The following ARSG variants were observed in gnomAD, a reference collection of about 807,000 sequenced individuals.
The protein encoded by ARSG is ASG.
In ARSG, 37 loss-of-function variants were observed where a neutral mutation model predicts 50.5. The observed-to-expected ratio is 0.73, with a 90% CI of 0.56 to 0.96. The LOEUF (loss-of-function observed/expected upper bound fraction) is 0.96. Among genes scored for constraint, ARSG ranks in the 50% least tolerant of loss-of-function variants. The probability of loss-of-function intolerance (pLI) is 0.00; values close to 1 mark genes in which losing one functional copy is unlikely to be tolerated. For missense variants in ARSG, 629 were observed against 675.3 expected (o/e 0.93, Z 0.76); for synonymous variants, 225 against 254.6 (o/e 0.88, Z 1.11).
At chr17:68,289,244 G>A (rs2075911208), upstream of ARSG, among the ~76,000 whole-genome samples, 1 of 152,134 alleles carries the variant, frequency 6.6e-6, no homozygotes, top group African/African-American at 2.4e-5. Flanking sequence ...GCTGCAATGA[G>A]CAGAGATGAC....
At chr17:68,273,153 CTGTG>C (rs1406066145) in intron 1 of ARSG, among the ~76,000 whole-genome samples, 1 of 151,816 alleles carries the variant, frequency 6.6e-6, no homozygotes, top group Non-Finnish European at 1.5e-5. Flanking sequence ...ATCTTAACAA[CTGTG>C]TGTGTATCTA....
At chr17:68,386,590 G>A (rs745811537) in intron 9 of ARSG, among the ~76,000 whole-genome samples, 13 of 152,156 alleles carry the variant, frequency 8.5e-5, no homozygotes, top group Non-Finnish European at 1.6e-4. Flanking sequence ...GCGGGTACCA[G>A]CAGGTGTGAC....
chr17:68,434,973 G>A, the ARSG span, among the ~76,000 whole-genome samples: 2 of 152,078 alleles, frequency 1.3e-5, no homozygotes, highest in Non-Finnish European at 2.9e-5. Flanking sequence ...AGGCCAAGGC[G>A]GGTGGATTGC....
intron 2 of ARSG, among the ~76,000 whole-genome samples, chr17:68,320,745 C>G (rs1054513086): frequency 1.3e-5 from 2 of 152,210 alleles, no homozygotes; most frequent in South Asian, 4.1e-4. Flanking sequence ...TTCCAGCTTA[C>G]CAGGATGGCC....
chr17:68,351,046 CG>C (rs1266569356), intron 4 of ARSG, among the ~76,000 whole-genome samples: 1 of 152,098 alleles, frequency 6.6e-6, no homozygotes, highest in African/African-American at 2.4e-5. Context: ...CCATCTCTAT[CG>C]GGGGTAACTT....
chr17:68,304,775 C>G (rs576623586), intron 1 of ARSG, among the ~76,000 whole-genome samples: 1 of 152,336 alleles, frequency 6.6e-6, no homozygotes, highest in Non-Finnish European at 1.5e-5. Flanking sequence ...AGTAATCCTT[C>G]CGCCTCGGCC....
At position 68,271,239 on chromosome 17, in the gene ARSG, T is replaced by A. The variant is rs1290905392; in HGVS notation, c.-552+11813T>A. 2 of 1,614,018 alleles carry A rather than the reference T, an allele frequency of 1.2e-6. No homozygotes were observed. Among genetic ancestry groups the A allele is most frequent in the African/African-American group, 2.7e-5 (2 of 74,928 alleles). The stretch of plus-strand genomic sequence containing the variant: ...TGATGTACAAGGAAGGTGCAAAGAA[T>A]CCCAGTGTTGCAAAGAGACCAAATA... On this transcript the variant is annotated intron_variant, in intron 1 of 11. Coordinates refer to the ARSG transcript ENST00000448504. This position sits in a 1 kb window ranked among gnomAD's most constrained non-coding sequence, Gnocchi z 5.3.
downstream of ARSG, chr17:68,426,254 G>GGGGGGGGGGGGGGC: frequency 2.4e-6 from 2 of 816,922 alleles, 1 homozygote; most frequent in Admixed American, 4.6e-5. Flanking sequence ...GGGAGCGGGG[G>GGGGGGGGGGGGGGC]CTCAAATAAA....
At chr17:68,387,255 A>G (rs145339045) in intron 9 of ARSG, among the ~76,000 whole-genome samples, 126 of 152,172 alleles carry the variant, frequency 8.3e-4, no homozygotes, top group African/African-American at 2.9e-3. Flanking sequence ...CAGCCTCCCA[A>G]GTAGCTGGGA....
chr17:68,367,969 C>T lies in ARSG; in HGVS notation c.705-579C>T, dbSNP rs556813709. Among the ~76,000 whole-genome samples, 22 of 152,086 alleles carry T rather than the reference C, an allele frequency of 1.4e-4. No individual in the cohort carries two copies. Among genetic ancestry groups the T allele is most frequent in the Non-Finnish European group, 2.8e-4 (19 of 68,012 alleles). On this transcript the variant is annotated intron_variant, in intron 6 of 11. Coordinates refer to ENST00000621439, the MANE Select transcript of ARSG (RefSeq NM_001267727.2). This position sits in a 1 kb window ranked among gnomAD's most constrained non-coding sequence, Gnocchi z 4.5. ...CCTGTAATTCCAGCTACTCAGGAGG[C>T]TGAGGCGGGAGTATCGCTTGAACCC...
chr17:68,369,040 T>C (rs1000933815), intron 7 of ARSG, among the ~76,000 whole-genome samples: 3 of 152,240 alleles, frequency 2.0e-5, no homozygotes, highest in African/African-American at 7.2e-5. Context: ...GACATTGACA[T>C]TGTGAGCCTG....
chr17:68,355,789 CTT>C (rs2079008476), intron 5 of ARSG, among the ~76,000 whole-genome samples: 1 of 150,832 alleles, frequency 6.6e-6, no homozygotes, highest in African/African-American at 2.4e-5. Context: ...TAGTTTGACT[CTT>C]ATTTTTTTTC....
intron 2 of ARSG, among the ~76,000 whole-genome samples, chr17:68,323,843 C>T (rs182230643): frequency 1.1e-4 from 16 of 152,168 alleles, no homozygotes; most frequent in African/African-American, 2.9e-4. Flanking sequence ...GAGGCCGAAG[C>T]GGGTGGATCA....
intron 2 of ARSG, among the ~76,000 whole-genome samples, chr17:68,336,997 G>A (rs113188663): frequency 3.3e-5 from 5 of 152,206 alleles, no homozygotes; most frequent in African/African-American, 9.7e-5. Context: ...TATGGAGGCC[G>A]TGATAGTGGG....
In ARSG at chr17:68,385,045, G is replaced by T. The variant is rs763997875; in HGVS notation, c.983-19G>T. 1 of 1,602,648 alleles carries T rather than the reference G, an allele frequency of 6.2e-7. No homozygotes were observed. Among genetic ancestry groups the T allele is most frequent in the Non-Finnish European group, 8.5e-7 (1 of 1,169,736 alleles). On this transcript the variant is annotated intron_variant, in intron 8 of 11. Coordinates refer to ENST00000621439, the MANE Select transcript of ARSG (RefSeq NM_001267727.2). ...AGTTATCACCATGGATGAACCAGCT[G>T]CCTCCCCTCCTCTCACAGGGGGAAG... is the stretch of plus-strand genomic sequence containing the variant.
chr17:68,445,101 G>A, the ARSG span, among the ~76,000 whole-genome samples: 7 of 151,930 alleles, frequency 4.6e-5, no homozygotes, highest in Non-Finnish European at 7.4e-5. Flanking sequence ...TGTATTTTTA[G>A]TAGAGACGGG....
intron 1 of ARSG, among the ~76,000 whole-genome samples, chr17:68,294,831 G>A (rs1356536575): frequency 6.6e-6 from 1 of 152,084 alleles, no homozygotes; most frequent in East Asian, 1.9e-4. Flanking sequence ...TTGTGATTTG[G>A]GTTCCTCCCC....
rs10642908 is a variant in ARSG, at chr17:68,376,862, C to CTTT, written c.982+6351_982+6353dup. Among the ~76,000 whole-genome samples the CTTT allele has an allele frequency of 1.3e-4, 19 of 142,202 alleles. 1 individual carries two copies. Among genetic ancestry groups the CTTT allele is most frequent in the African/African-American group, 4.1e-4 (16 of 39,106 alleles). 93.3% of individuals were successfully genotyped at this position (142,202 alleles called of 152,430 possible). On this transcript the variant is annotated intron_variant, in intron 8 of 11. Transcript: ENST00000621439. ...CAAAGTTGGAAAAGACCTCAGTCAT[C>CTTT]TTTTTTTTTTTTTTTGAGACAAAGT...
chr17:68,437,199 T>C, the ARSG span, among the ~76,000 whole-genome samples: 105 of 152,258 alleles, frequency 6.9e-4, no homozygotes, highest in African/African-American at 2.4e-3. Context: ...CAGATGATTA[T>C]ATACTGTTGG....
Sources: allele counts gnomAD v4.1 joint callset (sites outside exome capture counted in the v4.1 genomes callset), GRCh38; gene constraint gnomAD v4.1.1; non-coding constraint Gnocchi (gnomAD v3.1); transcripts MANE v1.5; gene names NCBI Gene and HGNC (gene_info 2026-07-23, HGNC 2026-07-21).